Variants in HPSE observed in about 807,000 individuals in gnomAD.
HPSE encodes the protein heparanase.
Under a neutral mutation model 65.1 loss-of-function variants are expected in HPSE, and 48 were observed. The observed-to-expected ratio is 0.74, with a 90% CI of 0.58 to 0.94. The LOEUF (loss-of-function observed/expected upper bound fraction) is 0.94. HPSE is among the 40% of genes least tolerant of loss of function. The pLI is 0.00. For synonymous variants in HPSE, 243 were observed against 260.0 expected (o/e 0.93, Z 0.63); for missense variants, 644 against 637.5 (o/e 1.01, Z -0.11).
chr4:83,317,441 A>G (rs1317246532), intron 3 of HPSE, among the ~76,000 whole-genome samples: 3 of 152,234 alleles, frequency 2.0e-5, no homozygotes, highest in Non-Finnish European at 4.4e-5. Flanking sequence ...GTGCCCATGA[A>G]AACTGAAAAT....
Position 83,313,192 on chromosome 4 carries a change from A to G in HPSE, c.595T>C (p.Trp199Arg). The G allele has an allele frequency of 6.2e-7, 1 of 1,613,942 alleles. No individual in the cohort carries two copies. The highest frequency in any genetic ancestry group is 2.2e-5 in the East Asian group (1 of 44,878). The change falls in exon 4 of 12, where the codon TGG (tryptophan) becomes CGG (arginine). Residue 199 changes from tryptophan (W) to arginine (R), a missense_variant. Coordinates refer to ENST00000311412, the MANE Select transcript of HPSE (RefSeq NM_001098540.3). ...NALLRTADLQ[W>R]NSSNAQLLLD... ...AGCAACTGAGCATTAGAACTGTTCC[A>G]CTGCAAATCTGCTGTTCTTAATAAC... is the stretch of plus-strand genomic sequence containing the variant.
At chr4:83,333,926 C>A (rs1349434503) in intron 1 of HPSE, among the ~76,000 whole-genome samples, 1 of 151,978 alleles carries the variant, frequency 6.6e-6, no homozygotes, top group East Asian at 1.9e-4. Flanking sequence ...ATACAGAAGG[C>A]TATGCACAAT....
chr4:83,298,662 T>C (rs550168035), intron 11 of HPSE, among the ~76,000 whole-genome samples: 2 of 152,130 alleles, frequency 1.3e-5, no homozygotes, highest in Non-Finnish European at 2.9e-5. Flanking sequence ...ACATCGTCTC[T>C]ACAAAAAGTT....
chr4:83,317,709 G>A (rs924604088), intron 3 of HPSE, among the ~76,000 whole-genome samples: 1 of 151,952 alleles, frequency 6.6e-6, no homozygotes, highest in African/African-American at 2.4e-5. Flanking sequence ...AATGTTTAAT[G>A]CGACCCCCCA....
chr4:83,308,297 T>G (rs181590516), intron 8 of HPSE, among the ~76,000 whole-genome samples: 7 of 152,232 alleles, frequency 4.6e-5, no homozygotes, highest in African/African-American at 1.7e-4. Flanking sequence ...TCCCAGCTAC[T>G]CAGGACGCTG....
intron 1 of HPSE, among the ~76,000 whole-genome samples, chr4:83,328,670 A>G (rs1737241709): frequency 6.7e-6 from 1 of 148,600 alleles, no homozygotes; most frequent in Admixed American, 6.6e-5. Context: ...CAGAACAGGA[A>G]GAACAGGCTG....
At chr4:83,329,100 T>C (rs1045605259) in intron 1 of HPSE, among the ~76,000 whole-genome samples, 6 of 151,314 alleles carry the variant, frequency 4.0e-5, no homozygotes, top group African/African-American at 1.2e-4. Context: ...AAATGGAGAG[T>C]TAAGGGTAAC....
chr4:83,307,676 C>A (rs1578009784), intron 8 of HPSE, among the ~76,000 whole-genome samples: 1 of 152,138 alleles, frequency 6.6e-6, no homozygotes, highest in African/African-American at 2.4e-5. Flanking sequence ...CCTTCTCTAT[C>A]CCCCTTCTCC....
chr4:83,308,987 A>G, intron 7 of HPSE, 36 bp from the exon 8 acceptor site: 1 of 1,553,960 alleles, frequency 6.4e-7, no homozygotes, highest in Non-Finnish European at 8.9e-7. Flanking sequence ...TAATTGCAAA[A>G]AAGCTGACCT....
chr4:83,312,586 G>A (rs1230116620), intron 4 of HPSE, among the ~76,000 whole-genome samples: 19 of 150,352 alleles, frequency 1.3e-4, no homozygotes, highest in Admixed American at 3.3e-4. Flanking sequence ...GCTGAGGCAG[G>A]AGAATGGCGT....
chr4:83,319,779 G>A (rs1309517309), intron 2 of HPSE, among the ~76,000 whole-genome samples: 1 of 152,060 alleles, frequency 6.6e-6, no homozygotes, highest in African/African-American at 2.4e-5. Context: ...TGAAATTACT[G>A]GCCGGGTGCA....
At chr4:83,309,614 T>TG in intron 6 of HPSE, 119 bp from the exon 7 acceptor site, 1 of 666,630 alleles carries the variant, frequency 1.5e-6, no homozygotes, top group Non-Finnish European at 2.6e-6. Context: ...TAAAAAAAGG[T>TG]AGAAGTTCTA....
intron 11 of HPSE, among the ~76,000 whole-genome samples, chr4:83,298,394 TG>T (rs1735808490): frequency 6.6e-6 from 1 of 152,150 alleles, no homozygotes; most frequent in Admixed American, 6.6e-5. Context: ...CCCAGCACTT[TG>T]GGCGGCTAAG....
chr4:83,295,558 C>T, intron 11 of HPSE, 55 bp from the exon 12 acceptor site: 2 of 1,371,084 alleles, frequency 1.5e-6, no homozygotes, highest in Admixed American at 5.0e-5. Flanking sequence ...CCCACCCATG[C>T]TGCTACAAAA....
Position 83,306,222 on chromosome 4 carries a change from T to C in HPSE, c.1187A>G (p.Glu396Gly). 1 of 1,606,176 alleles carries C rather than the reference T, an allele frequency of 6.2e-7. No homozygotes were observed. The highest frequency in any genetic ancestry group is 8.5e-7 in the Non-Finnish European group (1 of 1,172,706). ...ACTTACAGGTAAAGGATCGAAGTTT[T>C]CATCCACTAAATGGTAGTTTCCTGC... Reference protein sequence around the residue: ...FGAGNYHLVDENFDPLPDYWL... With the variant: ...FGAGNYHLVDGNFDPLPDYWL... The change falls in exon 9 of 12, where the codon GAA (glutamate) becomes GGA (glycine). Residue 396 changes from glutamate (E) to glycine (G), a missense_variant. Transcript: ENST00000311412.
intron 10 of HPSE, among the ~76,000 whole-genome samples, chr4:83,301,836 A>G (rs1213614418): frequency 6.6e-6 from 1 of 152,208 alleles, no homozygotes; most frequent in East Asian, 1.9e-4. Context: ...TTTGAAAATA[A>G]TATTGTTGTT....
chr4:83,312,278 G>T (rs1056172128), intron 4 of HPSE, among the ~76,000 whole-genome samples: 2 of 152,136 alleles, frequency 1.3e-5, no homozygotes, highest in African/African-American at 2.4e-5. Context: ...GCAATAATAG[G>T]TTCTGGAATA....
At chr4:83,333,956 A>C (rs1408273642) in intron 1 of HPSE, among the ~76,000 whole-genome samples, 1 of 152,198 alleles carries the variant, frequency 6.6e-6, no homozygotes, top group East Asian at 1.9e-4. Flanking sequence ...CCTACACTGC[A>C]CAGCAAATCA....
Position 83,294,313 on chromosome 4 carries a change from C to T in HPSE, c.*1031G>A, listed in dbSNP as rs760360883. The T allele has an allele frequency of 1.3e-5, 2 of 152,210 alleles. No individual in the cohort carries two copies. Among genetic ancestry groups the T allele is most frequent in the Non-Finnish European group, 2.9e-5 (2 of 68,080 alleles). 9.4% of individuals were successfully genotyped at this position (152,210 alleles called of 1,614,324 possible). A position where few individuals can be genotyped will look rare whatever the true frequency, so the allele number is the denominator to read the frequency against. On this transcript the variant is annotated 3_prime_UTR_variant, in exon 12 of 12. Transcript: ENST00000311412. ...CTCACGTCAGGTGATCCATCTGCCTCGGCCTCCCAAAGTGCTAGGATTACA... is the reference window on the plus strand; with the variant it reads ...CTCACGTCAGGTGATCCATCTGCCTTGGCCTCCCAAAGTGCTAGGATTACA...
Sources: gnomAD v4.1 joint callset for allele counts (sites outside exome capture counted in the v4.1 genomes callset) on GRCh38, gnomAD v4.1.1 for gene constraint, MANE v1.5 for transcripts, NCBI Gene and HGNC (gene_info 2026-07-23, HGNC 2026-07-21) for gene names.